The following SNTG2 variants were observed in gnomAD, a reference collection of about 807,000 sequenced individuals.
SNTG2 encodes gamma-2-syntrophin.
SNTG2 carries 74 observed loss-of-function variants against 70.9 expected under a neutral mutation model. That is an observed-to-expected ratio of 1.04 (90% CI 0.86 to 1.27). SNTG2 has a LOEUF of 1.27. Among genes scored for constraint, SNTG2 ranks in the 50% most tolerant of loss-of-function variants. The pLI, the probability that SNTG2 is intolerant of heterozygous loss-of-function variation, is 0.00. For missense variants in SNTG2, 717 were observed against 690.7 expected (o/e 1.04, Z -0.43); for synonymous variants, 278 against 273.8 (o/e 1.02, Z -0.15).
At chr2:1,249,569 GTTC>G (rs541139098) in intron 12 of SNTG2, among the ~76,000 whole-genome samples, 12 of 152,284 alleles carry the variant, frequency 7.9e-5, no homozygotes, top group African/African-American at 2.2e-4. Flanking sequence ...GCCTGTCATT[GTTC>G]TTCTTGATAC....
intron 1 of SNTG2, among the ~76,000 whole-genome samples, chr2:1,006,225 T>C (rs895504412): frequency 6.6e-6 from 1 of 150,480 alleles, no homozygotes; most frequent in Non-Finnish European, 1.5e-5. Flanking sequence ...GACAAGTTAG[T>C]GGGTGCAGCG....
At chr2:1,125,723 A>G (rs1023325539) in intron 4 of SNTG2, among the ~76,000 whole-genome samples, 1 of 139,176 alleles carries the variant, frequency 7.2e-6, no homozygotes, top group Non-Finnish European at 1.7e-5. Context: ...TTTATTCTCA[A>G]TTGAGAAACT....
chr2:1,227,881 A>T (rs10192671), intron 9 of SNTG2, among the ~76,000 whole-genome samples: 48,262 of 152,110 alleles, frequency 0.32, 9,131 homozygotes, highest in African/African-American at 0.53. Context: ...ATTCTGTGGC[A>T]CCAAACACCG....
intron 6 of SNTG2, among the ~76,000 whole-genome samples, chr2:1,150,437 A>G (rs1669401968): frequency 6.6e-6 from 1 of 152,198 alleles, no homozygotes; most frequent in South Asian, 2.1e-4. Context: ...CTGGGCACAC[A>G]TCTGCATGAG....
chr2:1,304,450 G>A (rs1047774752), intron 14 of SNTG2, among the ~76,000 whole-genome samples: 23 of 152,120 alleles, frequency 1.5e-4, no homozygotes, highest in Non-Finnish European at 2.9e-5. Context: ...TGTCTTGGCC[G>A]GTGCGGTGGC....
intron 4 of SNTG2, among the ~76,000 whole-genome samples, chr2:1,099,678 C>T (rs1244980845): frequency 6.6e-6 from 1 of 151,862 alleles, no homozygotes; most frequent in Non-Finnish European, 1.5e-5. Flanking sequence ...GTGGTGAGGG[C>T]AGTTGTGGTG....
intron 1 of SNTG2, among the ~76,000 whole-genome samples, chr2:1,010,210 A>G (rs868039870): frequency 6.6e-6 from 1 of 152,196 alleles, no homozygotes; most frequent in Non-Finnish European, 1.5e-5. Context: ...TTAGGGGCTC[A>G]CTAAAGATGG....
chr2:986,087 G>GAGAGAC (rs1661309540), intron 1 of SNTG2, among the ~76,000 whole-genome samples: 1 of 151,802 alleles, frequency 6.6e-6, no homozygotes, highest in Non-Finnish European at 1.5e-5. Context: ...GAGAGAGAGA[G>GAGAGAC]AGAGAGAGAG....
intron 6 of SNTG2, among the ~76,000 whole-genome samples, chr2:1,144,026 G>A (rs571859162): frequency 1.3e-5 from 2 of 152,254 alleles, no homozygotes; most frequent in South Asian, 4.2e-4. Context: ...CAGTGTTGAA[G>A]CTGTGGCTCT....
chr2:1,138,950 C>T (rs543103572), intron 6 of SNTG2, among the ~76,000 whole-genome samples: 14 of 152,312 alleles, frequency 9.2e-5, no homozygotes, highest in East Asian at 3.9e-4. Context: ...ACTTCCTACA[C>T]GCTCACTCAG....
At chr2:1,223,977 G>A (rs529853014) in intron 9 of SNTG2, among the ~76,000 whole-genome samples, 45 of 152,254 alleles carry the variant, frequency 3.0e-4, no homozygotes, top group African/African-American at 1.0e-3. Flanking sequence ...TGCGTCCCTC[G>A]AGCTCTGAAG....
At chr2:1,348,769 T>C (rs1660430304) in intron 16 of SNTG2, among the ~76,000 whole-genome samples, 1 of 152,232 alleles carries the variant, frequency 6.6e-6, no homozygotes, top group African/African-American at 2.4e-5. Context: ...TGAGAATAAA[T>C]TTCTTCAAAT....
rs13382871 is a variant in SNTG2, at chr2:1,097,422, T to C, written c.211-774T>C. Among the ~76,000 whole-genome samples the C allele has an allele frequency of 8.4e-3, 1,286 of 152,298 alleles. 13 individuals carry two copies. Among genetic ancestry groups the C allele is most frequent in the African/African-American group, 0.03 (1,230 of 41,564 alleles). ...ATGTCTGTCACTTCTGTTTTTCCTG[T>C]AGTGTATTTTTGAGGTAAAAGCACC... On this transcript the variant is annotated intron_variant, in intron 2 of 16. Coordinates refer to ENST00000308624, the MANE Select transcript of SNTG2 (RefSeq NM_018968.4). This position sits in a 1 kb window ranked among gnomAD's most constrained non-coding sequence, Gnocchi z 4.1.
Position 951,058 on chromosome 2 carries a change from T to C in SNTG2, c.62T>C (p.Val21Ala). The C allele has an allele frequency of 7.9e-7, 1 of 1,272,266 alleles. No individual in the cohort carries two copies. The highest frequency in any genetic ancestry group is 9.9e-7 in the Non-Finnish European group (1 of 1,012,108). The allele number at this position is 1,272,266 out of a possible 1,614,324, so 78.8% of individuals were successfully genotyped here. A position where few individuals can be genotyped will look rare whatever the true frequency, so the allele number is the denominator to read the frequency against. ...ASRGRQGCLLVPARTKTTIAL... is the reference protein window; with the variant it reads ...ASRGRQGCLLAPARTKTTIAL... ...CGCGGACGCCAGGGCTGCCTGCTGG[T>C]ACCTGCGCGGGTGAGTGCGGCCCCT... Residue 21 changes from valine to alanine, a missense_variant, in exon 1 of 17, where the codon GTA (valine) becomes GCA (alanine). Physicochemically the swap from Val to Ala is moderately conservative, Grantham distance 64. Transcript: ENST00000308624.
At chr2:1,084,757 G>A (rs1361783068) in intron 2 of SNTG2, among the ~76,000 whole-genome samples, 1 of 152,214 alleles carries the variant, frequency 6.6e-6, no homozygotes, top group Non-Finnish European at 1.5e-5. Flanking sequence ...TCTGGTGAGG[G>A]TCTGCTCTCT....
At chr2:1,115,042 T>TA (rs1385404810) in intron 4 of SNTG2, among the ~76,000 whole-genome samples, 2 of 151,996 alleles carry the variant, frequency 1.3e-5, no homozygotes, top group African/African-American at 4.8e-5. Flanking sequence ...GTTTAACGCT[T>TA]ACAGTCCTTT....
chr2:1,122,521 C>T (rs1225412939), intron 4 of SNTG2, among the ~76,000 whole-genome samples: 1 of 152,018 alleles, frequency 6.6e-6, no homozygotes, highest in Non-Finnish European at 1.5e-5. Context: ...TGACAAAGCC[C>T]AATATCTATG....
rs529028684 is a variant in SNTG2, at chr2:1,172,253, T to C, written c.500-839T>C. Among the ~76,000 whole-genome samples the C allele has an allele frequency of 3.9e-5, 6 of 152,304 alleles. No individual in the cohort carries two copies. In the East Asian group the frequency reaches 7.7e-4, roughly 20 times the overall value. On this transcript the variant is annotated intron_variant, in intron 7 of 16. Coordinates refer to ENST00000308624, the MANE Select transcript of SNTG2 (RefSeq NM_018968.4). ...ACAGGGCCTGCTCTCCACTCAGGGA[T>C]GCATCAAAGGCTCCTTTCTCAGTGT...
At chr2:972,585 G>A (rs1250188049) in intron 1 of SNTG2, among the ~76,000 whole-genome samples, 2 of 152,026 alleles carry the variant, frequency 1.3e-5, no homozygotes, top group Non-Finnish European at 2.9e-5. Context: ...ATCTCATGTC[G>A]GATCATCATC....
Sources: gnomAD v4.1 joint callset for allele counts (sites outside exome capture counted in the v4.1 genomes callset) on GRCh38, gnomAD v4.1.1 for gene constraint, Gnocchi (gnomAD v3.1) non-coding constraint, MANE v1.5 for transcripts, NCBI Gene and HGNC (gene_info 2026-07-23, HGNC 2026-07-21) for gene names.